The following C16orf46 variants were observed in gnomAD, a reference collection of about 807,000 sequenced individuals.
C16orf46 encodes chromosome 16 open reading frame 46.
A neutral mutation model predicts 5.5 loss-of-function variants in C16orf46; 7 were observed. The ratio of observed to expected loss-of-function variants is 1.28; its 90% CI spans 0.73 to 2.40. C16orf46 has a LOEUF of 2.40. C16orf46 is among the 30% of genes most tolerant of loss of function. The pLI is 0.00. For synonymous variants in C16orf46, 200 were observed against 184.1 expected (o/e 1.09, Z -0.70); for missense variants, 614 against 476.0 (o/e 1.29, Z -2.70).
rs1198790700 is a variant in C16orf46 at position 81,061,444 on chromosome 16, G to A, written c.905C>T (p.Ser302Phe). The A allele has an allele frequency of 1.9e-6, 3 of 1,614,176 alleles. No individual in the cohort carries two copies. Among genetic ancestry groups the A allele is most frequent in the Non-Finnish European group, 2.5e-6 (3 of 1,180,032 alleles). ...CGCCAGGTTTTTCTCAGACAGGAGG[G>A]ACCAATGCAGGCAGCGCTGCTCCGG... ...TDPEQRCLHW[S>F]LLSEKNLACP... The change falls in exon 4 of 4, where the codon TCC becomes TTC. Residue 302 changes from serine to phenylalanine, a missense_variant. By Grantham distance (155) the Ser-to-Phe change is radical. Coordinates refer to ENST00000299578, the MANE Select transcript of C16orf46 (RefSeq NM_152337.3).
intron 3 of C16orf46, among the ~76,000 whole-genome samples, chr16:81,062,735 G>A (rs923769206): frequency 6.6e-6 from 1 of 151,966 alleles, no homozygotes; most frequent in Admixed American, 6.6e-5. Context: ...GGCTGATCTT[G>A]CCACAGAGAT....
chr16:81,073,446 C>G (rs776845025), intron 1 of C16orf46, among the ~76,000 whole-genome samples: 36 of 152,180 alleles, frequency 2.4e-4, no homozygotes, highest in Admixed American at 1.2e-3. Context: ...TGAAAGATAA[C>G]GTGGTAGGCA....
downstream of C16orf46, chr16:81,058,060 A>AAAACAAAACC (rs111308671): frequency 2.2e-4 from 38 of 171,400 alleles, no homozygotes; most frequent in East Asian, 5.3e-4. Flanking sequence ...AAAACAAAAC[A>AAAACAAAACC]AAACCTGAAA....
downstream of C16orf46, among the ~76,000 whole-genome samples, chr16:81,059,354 CAGACA>C (rs534452504): frequency 5.9e-4 from 82 of 140,104 alleles, 1 homozygote; most frequent in Middle Eastern, 0.016. Context: ...CCTAGGCAAA[CAGACA>C]AGACATTACA....
At chr16:81,072,860 C>A (rs528219892) in intron 1 of C16orf46, among the ~76,000 whole-genome samples, 41 of 152,142 alleles carry the variant, frequency 2.7e-4, no homozygotes, top group Admixed American at 5.9e-4. Flanking sequence ...CGCCACCATG[C>A]CTGGCTAATT....
exon 4 of C16orf46, chr16:81,053,707 T>C (rs1403603674): frequency 5.4e-6 from 1 of 183,580 alleles, no homozygotes; most frequent in Non-Finnish European, 1.1e-5. Context: ...TTTAAACAAG[T>C]CATACTCTTT....
chr16:81,062,061 T>A lies in C16orf46; in HGVS notation c.288A>T (p.Glu96Asp). 1 of 1,612,652 alleles carries A rather than the reference T, an allele frequency of 6.2e-7. No homozygotes were observed. The highest frequency in any genetic ancestry group is 1.7e-5 in the Admixed American group (1 of 59,990). ...RKIPKKARVG[E>D]GACSDCLVCV... ...ACACCAAGCAGTCGCTGCAGGCACC[T>A]TCCCCTACCCTCGCCTTTTTTGGTA... The change falls in exon 4 of 4, where the codon GAA becomes GAT. Residue 96 changes from glutamate to aspartate, a missense_variant. By Grantham distance (45) the Glu-to-Asp change is conservative. Coordinates refer to ENST00000299578, the MANE Select transcript of C16orf46 (RefSeq NM_152337.3).
At chr16:81,063,605 A>G in intron 3 of C16orf46, 141 bp downstream of exon 3, 3 of 695,410 alleles carry the variant, frequency 4.3e-6, no homozygotes, top group Non-Finnish European at 7.2e-6. Flanking sequence ...CATCAGTAAT[A>G]TTTTACCTCA....
At position 81,075,102 on chromosome 16, in the gene C16orf46, T is replaced by C. The variant is rs140739172; in HGVS notation, c.-128+2034A>G. Reference sequence around the variant, plus strand: ...CTTGGACATTTGCTAATTATTCAACTAGCTGCAAATTCACCTTCATCTTAC... The same window carrying C: ...CTTGGACATTTGCTAATTATTCAACCAGCTGCAAATTCACCTTCATCTTAC... On this transcript the variant is annotated intron_variant, in intron 1 of 3. Coordinates refer to ENST00000299578, the MANE Select transcript of C16orf46 (RefSeq NM_152337.3). Among the ~76,000 whole-genome samples, 17 of 152,338 alleles carry C rather than the reference T, an allele frequency of 1.1e-4. No homozygotes were observed. In the South Asian group the frequency reaches 3.5e-3, roughly 32 times the overall value.
chr16:81,059,338 A>T (rs1436672887), downstream of C16orf46, among the ~76,000 whole-genome samples: 2 of 151,588 alleles, frequency 1.3e-5, no homozygotes, highest in Admixed American at 1.3e-4. Context: ...AAAAAAAAAA[A>T]AAAACCCTAG....
At chr16:81,069,121 T>C (rs968904032) in intron 1 of C16orf46, among the ~76,000 whole-genome samples, 9 of 152,132 alleles carry the variant, frequency 5.9e-5, no homozygotes, top group Admixed American at 2.0e-4. Flanking sequence ...TTATTTTTGG[T>C]TTATGTCTTT....
At chr16:81,053,784 G>A (rs1323483642) in exon 4 of C16orf46, 4 of 323,086 alleles carry the variant, frequency 1.2e-5, no homozygotes, top group East Asian at 5.0e-5. Context: ...TTATCTCCAC[G>A]GTGACTTTGT....
At chr16:81,076,930 C>T (rs1972062650) in intron 1 of C16orf46, 1 of 152,430 alleles carries the variant, frequency 6.6e-6, no homozygotes, top group Admixed American at 6.5e-5. Context: ...TCTACCCACC[C>T]TTAAAGGGTT....
Position 81,062,816 on chromosome 16 carries a change from G to A in C16orf46, c.211-678C>T, listed in dbSNP as rs140891598. ...GGACATACTTATACTGATAAATTAG[G>A]TATTTATCTGGTAATCCTATGTTTA... On this transcript the variant is annotated intron_variant, in intron 3 of 3. Transcript: ENST00000299578. Among the ~76,000 whole-genome samples the A allele has an allele frequency of 2.6e-3, 386 of 150,098 alleles. 8 individuals are homozygous for A. The highest frequency in any genetic ancestry group is 0.022 in the Admixed American group (329 of 15,100).
downstream of C16orf46, chr16:81,057,998 C>G (rs1971353683): frequency 1.2e-5 from 2 of 170,616 alleles, no homozygotes; most frequent in Admixed American, 1.2e-4. Context: ...CCATTGCACT[C>G]CAGCTTGGAC....
At position 81,061,833 on chromosome 16, in the gene C16orf46, G is replaced by A. The variant is rs149630546; in HGVS notation, c.516C>T (p.Asn172=). 3.7e-6 allele frequency: 6 copies of A among 1,614,202 alleles called. No individual in the cohort carries two copies. The highest frequency in any genetic ancestry group is 4.2e-6 in the Non-Finnish European group (5 of 1,180,034). ...TAGTGCCGGGGATGGCCCAGTCTTT[G>A]TTGCACCAAATAAACTCCTTGATTT... ...SLQIKEFIWC[N]KDWAIPGTNR... is the part of the protein sequence containing the mutation. Residue 172 remains asparagine, a synonymous_variant, in exon 4 of 4, where the codon AAC becomes AAT. Transcript: ENST00000299578.
chr16:81,065,226 A>G (rs1484082715), intron 2 of C16orf46, among the ~76,000 whole-genome samples: 1 of 152,168 alleles, frequency 6.6e-6, no homozygotes, highest in Non-Finnish European at 1.5e-5. Flanking sequence ...TAATCCCAGT[A>G]CTTTGGGATG....
At chr16:81,074,711 C>T (rs951394229) in intron 1 of C16orf46, among the ~76,000 whole-genome samples, 12 of 152,204 alleles carry the variant, frequency 7.9e-5, no homozygotes, top group African/African-American at 2.9e-4. Context: ...TAACACTGAG[C>T]TTGAGGTGAA....
At chr16:81,075,100 A>C (rs1971985160) in intron 1 of C16orf46, among the ~76,000 whole-genome samples, 1 of 152,192 alleles carries the variant, frequency 6.6e-6, no homozygotes, top group African/African-American at 2.4e-5. Context: ...TAATTATTCA[A>C]CTAGCTGCAA....
Sources: gnomAD v4.1 joint callset for allele counts (sites outside exome capture counted in the v4.1 genomes callset) on GRCh38, gnomAD v4.1.1 for gene constraint, MANE v1.5 for transcripts, NCBI Gene and HGNC (gene_info 2026-07-23, HGNC 2026-07-21) for gene names.